The following CSMD3 variants were observed in gnomAD, a reference collection of about 807,000 sequenced individuals.
The protein encoded by CSMD3 is CUB and Sushi multiple domains 3.
A neutral mutation model predicts 435.2 loss-of-function variants in CSMD3; 177 were observed. The ratio of observed to expected loss-of-function variants is 0.41; its 90% CI spans 0.36 to 0.46. CSMD3 has a LOEUF of 0.46. CSMD3 is among the 20% of genes least tolerant of loss of function. The probability of loss-of-function intolerance (pLI) is 0.34; values close to 1 mark genes in which losing one functional copy is unlikely to be tolerated. For synonymous variants in CSMD3, 1,656 were observed against 1,520.5 expected, an observed-to-expected ratio of 1.09 and a Z score of -2.07; for missense variants, 4,265 against 4,504.6, an observed-to-expected ratio of 0.95 and a Z score of 1.52.
intron 11 of CSMD3, among the ~76,000 whole-genome samples, chr8:112,852,872 A>C (rs2080532738): frequency 6.6e-6 from 1 of 152,112 alleles, no homozygotes; most frequent in Admixed American, 6.6e-5. Context: ...TAGTAAGCCG[A>C]GATCGTGCCA....
At chr8:113,141,080 CAT>C in intron 4 of CSMD3, among the ~76,000 whole-genome samples, 1 of 150,622 alleles carries the variant, frequency 6.6e-6, no homozygotes, top group Admixed American at 6.6e-5. Flanking sequence ...AATTTGATAA[CAT>C]AGATGAAACT....
chr8:113,415,059 C>G (rs1173661023), intron 1 of CSMD3, among the ~76,000 whole-genome samples: 2 of 151,984 alleles, frequency 1.3e-5, no homozygotes, highest in African/African-American at 4.8e-5. Flanking sequence ...TAAGTTAATA[C>G]GACTTTGGAA....
At chr8:112,637,401 GC>G (rs35870209) in intron 21 of CSMD3, among the ~76,000 whole-genome samples, 73,066 of 151,816 alleles carry the variant, frequency 0.48, 18,152 homozygotes, top group African/African-American at 0.58. Context: ...CTTTTGAAAT[GC>G]TTTTGCTTAA....
chr8:112,339,902 A>C (rs540919701), intron 42 of CSMD3, among the ~76,000 whole-genome samples: 1 of 152,324 alleles, frequency 6.6e-6, no homozygotes, highest in East Asian at 1.9e-4. Flanking sequence ...TCATCATTGT[A>C]ATACATTATG....
At chr8:112,795,844 A>T (rs1241053468) in intron 13 of CSMD3, among the ~76,000 whole-genome samples, 1 of 152,174 alleles carries the variant, frequency 6.6e-6, no homozygotes, top group Non-Finnish European at 1.5e-5. Context: ...AGCATTAAAT[A>T]CTGTGGCCAA....
chr8:112,517,115 C>T lies in CSMD3; in HGVS notation c.4675G>A (p.Glu1559Lys), dbSNP rs762141615. Residue 1559 changes from glutamate to lysine, a missense_variant, in exon 28 of 71, where the codon GAA becomes AAA. Transcript: ENST00000297405. Reference protein sequence around the residue: ...TVVFQCDPGYELQGEERITCI... With the variant: ...TVVFQCDPGYKLQGEERITCI... ...GTTATTCTTTCCTCTCCTTGAAGTTCATATCCTGGGTCACATTGAAAAACA... is the reference window on the plus strand; with the variant it reads ...GTTATTCTTTCCTCTCCTTGAAGTTTATATCCTGGGTCACATTGAAAAACA... The T allele has an allele frequency of 5.6e-6, 9 of 1,613,816 alleles. No individual in the cohort carries two copies. Among genetic ancestry groups the T allele is most frequent in the Non-Finnish European group, 6.8e-6 (8 of 1,179,844 alleles).
At position 112,314,466 on chromosome 8, in the gene CSMD3, C is replaced by G. The variant is rs754710988; in HGVS notation, c.7512G>C (p.Gln2504His). 4.3e-6 allele frequency: 7 copies of G among 1,612,214 alleles called. No individual in the cohort carries two copies. In the Admixed American group the frequency reaches 1.2e-4, roughly 27 times the overall value. The change falls in exon 48 of 71, where the codon CAG becomes CAC. Residue 2504 changes from glutamine to histidine, a missense_variant. This residue lies in a region of CSMD3 where 3,255 missense variants were observed against 3,380.2 expected (regional missense o/e 0.96). Transcript: ENST00000297405. ...GAAGAACATCAAATTCCTTTTCTGTCTGGAAGAATTCTACAAACATGGTGA... is the reference window on the plus strand; with the variant it reads ...GAAGAACATCAAATTCCTTTTCTGTGTGGAAGAATTCTACAAACATGGTGA... ...YNITMFVEFFQTEKEFDVLQV... is the reference protein window; with the variant it reads ...YNITMFVEFFHTEKEFDVLQV...
chr8:112,261,064 T>C (rs1816345069), intron 61 of CSMD3, among the ~76,000 whole-genome samples: 1 of 152,128 alleles, frequency 6.6e-6, no homozygotes, highest in Non-Finnish European at 1.5e-5. Flanking sequence ...TTATCTCTCA[T>C]GCTCAATCTA....
At chr8:112,691,023 A>G (rs914956656) in intron 13 of CSMD3, among the ~76,000 whole-genome samples, 6 of 152,180 alleles carry the variant, frequency 3.9e-5, no homozygotes, top group African/African-American at 1.4e-4. Flanking sequence ...TTCAAGATGT[A>G]TAATTCCACA....
At chr8:112,380,489 C>T (rs756329207) in intron 37 of CSMD3, 33 bp from the exon 38 acceptor site, 2 of 1,048,950 alleles carry the variant, frequency 1.9e-6, no homozygotes, top group South Asian at 1.3e-5. Flanking sequence ...AAGACAATGA[C>T]CACATAATAA....
At chr8:113,249,005 C>A (rs183101926) in intron 3 of CSMD3, among the ~76,000 whole-genome samples, 1 of 152,002 alleles carries the variant, frequency 6.6e-6, no homozygotes, top group Non-Finnish European at 1.5e-5. Flanking sequence ...ATAATCCCCA[C>A]GTGTCAAGGG....
At chr8:112,888,880 G>C (rs1246060060) in intron 10 of CSMD3, among the ~76,000 whole-genome samples, 1 of 151,608 alleles carries the variant, frequency 6.6e-6, no homozygotes, top group Non-Finnish European at 1.5e-5. Context: ...GGTCACCACA[G>C]CGTTGACTGG....
intron 3 of CSMD3, among the ~76,000 whole-genome samples, chr8:113,174,747 C>T (rs942327122): frequency 2.0e-5 from 3 of 151,636 alleles, no homozygotes; most frequent in Non-Finnish European, 3.0e-5. Context: ...ATATTGTTTT[C>T]TAAATTTTTA....
intron 5 of CSMD3, among the ~76,000 whole-genome samples, chr8:113,038,806 T>C (rs2087472724): frequency 6.6e-6 from 1 of 152,308 alleles, no homozygotes; most frequent in South Asian, 2.1e-4. Flanking sequence ...GGATTTCCCA[T>C]ACAAACAGGT....
rs1183145179 is a variant in CSMD3 at position 112,237,294 on chromosome 8, T to C, written c.10523A>G (p.Lys3508Arg). 19 of 1,613,278 alleles carry C rather than the reference T, an allele frequency of 1.2e-5. No individual in the cohort carries two copies. Among genetic ancestry groups the C allele is most frequent in the Non-Finnish European group, 1.5e-5 (18 of 1,179,458 alleles). Residue 3508 changes from lysine (K) to arginine (R), a missense_variant, in exon 67 of 71, where the codon AAA (lysine) becomes AGA (arginine). Coordinates refer to ENST00000297405, the MANE Select transcript of CSMD3 (RefSeq NM_198123.2). ...TAAGGTCATGGGTTGTTTCCTTCCT[T>C]TGAAATTGTAAGAGCCTTTCCATAT... ...NYIWKGSYNF[K>R]GRKQPMTLTV...
rs2087064762 is a variant in CSMD3 at position 113,030,577 on chromosome 8, C to T, written c.918-11398G>A. On this transcript the variant is annotated intron_variant, in intron 5 of 70. Coordinates refer to ENST00000297405, the MANE Select transcript of CSMD3 (RefSeq NM_198123.2). ...TAAATCTACGAAACACTTAGAAAAA[C>T]ATATCACAGAAAATCTTTGAGATCT... Among the ~76,000 whole-genome samples the T allele has an allele frequency of 2.7e-5, 4 of 150,738 alleles. No individual in the cohort carries two copies. The South Asian group carries it at 8.4e-4, about 32-fold the overall frequency.
chr8:113,168,519 C>CA (rs71281204), intron 4 of CSMD3, among the ~76,000 whole-genome samples: 8,847 of 16,892 alleles, frequency 0.52, 3,860 homozygotes, highest in Non-Finnish European at 0.66. Flanking sequence ...GACTCTGTCT[C>CA]AAAAAAAAAA....
At chr8:113,182,713 C>T (rs1355857474) in intron 3 of CSMD3, among the ~76,000 whole-genome samples, 2 of 152,028 alleles carry the variant, frequency 1.3e-5, no homozygotes, top group Admixed American at 1.3e-4. Context: ...CTACTCAATC[C>T]TCCCCTAGGG....
At chr8:113,310,923 A>G (rs974810274) in intron 2 of CSMD3, 4 of 151,990 alleles carry the variant, frequency 2.6e-5, no homozygotes, top group African/African-American at 9.6e-5. Context: ...TAATGCTTAC[A>G]TAAAATGATT....
Sources: allele counts gnomAD v4.1 joint callset (sites outside exome capture counted in the v4.1 genomes callset), GRCh38; gene constraint gnomAD v4.1.1; regional missense constraint gnomAD v4.1.1; transcripts MANE v1.5; gene names NCBI Gene and HGNC (gene_info 2026-07-23, HGNC 2026-07-21).